Variants in PIR observed in about 807,000 individuals in gnomAD.
PIR encodes pirin, also known as pirin (iron-binding nuclear protein).
Under a neutral mutation model 24.2 loss-of-function variants are expected in PIR, and 22 were observed. The ratio of observed to expected loss-of-function variants is 0.91; its 90% CI spans 0.65 to 1.30. The LOEUF (loss-of-function observed/expected upper bound fraction) is 1.30. PIR is among the 50% of genes most tolerant of loss of function. PIR has a pLI of 0.00. For missense variants in PIR, 220 were observed against 220.3 expected (o/e 1.00, Z 0.01); for synonymous variants, 80 against 79.6 (o/e 1.00, Z -0.03).
chrX:15,405,749 A>G lies in PIR; in HGVS notation c.610+1757T>C, dbSNP rs1057080304. On this transcript the variant is annotated intron_variant, in intron 7 of 9. Transcript: ENST00000380420. ...ATGGTTAATATAGTTTAAGCTGTGT[A>G]CATATAAACTTATGATACTACTACA... Among the ~76,000 whole-genome samples the G allele has an allele frequency of 2.7e-5, 3 of 112,522 alleles. No homozygotes were observed. The South Asian group carries it at 1.1e-3, about 41-fold the overall frequency.
chrX:15,445,820 CTTTTTTTTTTTTTTTTT>C (rs1192838504), intron 5 of PIR, among the ~76,000 whole-genome samples: 1 of 64,921 alleles, frequency 1.5e-5, no homozygotes, highest in Non-Finnish European at 2.9e-5. Flanking sequence ...CAAGATATTT[CTTTTTTTTTTTTTTTTT>C]TTTTTTTTTT....
chrX:15,398,552 A>G (rs1165262894), intron 7 of PIR, among the ~76,000 whole-genome samples: 1 of 110,902 alleles, frequency 9.0e-6, no homozygotes, highest in Non-Finnish European at 1.9e-5. Flanking sequence ...TGAAAATTCT[A>G]CCATTCTTGG....
intron 8 of PIR, among the ~76,000 whole-genome samples, chrX:15,397,122 C>T (rs969257706): frequency 1.8e-5 from 2 of 112,089 alleles, no homozygotes; most frequent in Non-Finnish European, 3.8e-5. Flanking sequence ...GATCTATTTT[C>T]ACTTATGCTA....
intron 6 of PIR, 50 bp from the exon 7 acceptor site, chrX:15,407,600 G>A: frequency 1.1e-6 from 1 of 931,506 alleles, no homozygotes; most frequent in Non-Finnish European, 1.6e-6. Context: ...ATGCCAAAAG[G>A]AACAAAGACA....
In PIR at chrX:15,389,737, A is replaced by G. The variant is rs765811261; in HGVS notation, c.760+448T>C. On this transcript the variant is annotated intron_variant, in intron 9 of 9. Transcript: ENST00000380420. ...CATTTTTTTAAATAAACAAAAAATAACAACTATTTTCTTAAAAATACTATT... is the reference window on the plus strand; with the variant it reads ...CATTTTTTTAAATAAACAAAAAATAGCAACTATTTTCTTAAAAATACTATT... Among the ~76,000 whole-genome samples the G allele has an allele frequency of 8.1e-5, 9 of 111,470 alleles. No individual in the cohort carries two copies. The East Asian group carries it at 2.5e-3, about 31-fold the overall frequency.
At chrX:15,484,294 A>G (rs1297018097) in intron 2 of PIR, among the ~76,000 whole-genome samples, 1 of 98,133 alleles carries the variant, frequency 1.0e-5, no homozygotes, top group Non-Finnish European at 2.0e-5. Flanking sequence ...CGGTAGATAC[A>G]GTCTCAATTT....
chrX:15,441,499 T>A (rs969258249), intron 5 of PIR, among the ~76,000 whole-genome samples: 1 of 111,484 alleles, frequency 9.0e-6, no homozygotes, highest in Non-Finnish European at 1.9e-5. Context: ...GGGTCCACAC[T>A]GATAAATTTC....
At chrX:15,488,744 C>A (rs904193907) in intron 2 of PIR, among the ~76,000 whole-genome samples, 1 of 111,338 alleles carries the variant, frequency 9.0e-6, no homozygotes, top group African/African-American at 3.3e-5. Flanking sequence ...TAGAGTCATA[C>A]CTGGGGTACA....
At chrX:15,452,011 G>A (rs1467523608) in intron 5 of PIR, among the ~76,000 whole-genome samples, 1 of 111,601 alleles carries the variant, frequency 9.0e-6, no homozygotes, top group Non-Finnish European at 1.9e-5. Flanking sequence ...AGAACACTGA[G>A]GCACAGCAAT....
chrX:15,414,634 A>G (rs775711672), intron 6 of PIR, among the ~76,000 whole-genome samples: 23 of 111,799 alleles, frequency 2.1e-4, no homozygotes, highest in Non-Finnish European at 3.9e-4. Flanking sequence ...AAAGTCATAA[A>G]TAACCCTAAG....
chrX:15,407,199 C>T (rs1221681105), intron 7 of PIR, among the ~76,000 whole-genome samples: 1 of 112,246 alleles, frequency 8.9e-6, no homozygotes, highest in African/African-American at 3.2e-5. Flanking sequence ...GTAGCTCCAT[C>T]CCTTTATCAG....
At chrX:15,432,813 T>A (rs909237128) in intron 5 of PIR, among the ~76,000 whole-genome samples, 7 of 110,991 alleles carry the variant, frequency 6.3e-5, no homozygotes, top group African/African-American at 2.3e-4. Flanking sequence ...GATGCTGGAG[T>A]AGGCCAGAGA....
intron 7 of PIR, among the ~76,000 whole-genome samples, chrX:15,403,962 C>T (rs1386357714): frequency 8.4e-5 from 9 of 107,753 alleles, no homozygotes; most frequent in Non-Finnish European, 1.5e-4. Flanking sequence ...GACTGACTTA[C>T]TTTGACAACT....
intron 1 of PIR, among the ~76,000 whole-genome samples, chrX:15,492,765 A>G (rs770189752): frequency 1.5e-4 from 17 of 111,491 alleles, no homozygotes; most frequent in African/African-American, 5.6e-4. Context: ...ACTCCACAAT[A>G]CCCTCCACTT....
At chrX:15,474,026 G>A (rs1461145277) in intron 3 of PIR, among the ~76,000 whole-genome samples, 1 of 111,713 alleles carries the variant, frequency 9.0e-6, no homozygotes, top group Admixed American at 9.4e-5. Context: ...TTATGAATAC[G>A]ATGCTTTCCC....
chrX:15,425,295 G>A (rs993540413), intron 6 of PIR, among the ~76,000 whole-genome samples: 1 of 110,648 alleles, frequency 9.0e-6, no homozygotes, highest in Non-Finnish European at 1.9e-5. Context: ...TGTTTGGGTG[G>A]CCTTGAGCAA....
chrX:15,482,232 T>C (rs1230915412), intron 2 of PIR, among the ~76,000 whole-genome samples: 1 of 111,724 alleles, frequency 9.0e-6, no homozygotes, highest in African/African-American at 3.3e-5. Context: ...TTTTCAATCG[T>C]TATATTTTCC....
chrX:15,400,048 A>C (rs1924324400), intron 7 of PIR, among the ~76,000 whole-genome samples: 1 of 111,620 alleles, frequency 9.0e-6, no homozygotes, highest in Non-Finnish European at 1.9e-5. Context: ...GGCCAATTTC[A>C]ACCTACTGAT....
At chrX:15,432,072 C>G (rs953716582) in intron 5 of PIR, among the ~76,000 whole-genome samples, 14 of 110,488 alleles carry the variant, frequency 1.3e-4, no homozygotes, top group African/African-American at 4.3e-4. Flanking sequence ...ATAGCAATAA[C>G]TAAATATGTT....
Sources: gnomAD v4.1 joint callset for allele counts (sites outside exome capture counted in the v4.1 genomes callset) on GRCh38, gnomAD v4.1.1 for gene constraint, MANE v1.5 for transcripts, NCBI Gene and HGNC (gene_info 2026-07-23, HGNC 2026-07-21) for gene names.